Variants in NRXN3 observed in about 807,000 individuals in gnomAD.
The protein encoded by NRXN3 is neurexin 3, also known as neurexin III.
Under a neutral mutation model 137.6 loss-of-function variants are expected in NRXN3, and 32 were observed. The ratio of observed to expected loss-of-function variants is 0.23; its 90% CI spans 0.18 to 0.31. The LOEUF (loss-of-function observed/expected upper bound fraction) is 0.31. NRXN3 is among the 10% of genes least tolerant of loss of function. The pLI, the probability that NRXN3 is intolerant of heterozygous loss-of-function variation, is 1.00. For synonymous variants in NRXN3, 798 were observed against 784.5 expected, an observed-to-expected ratio of 1.02 and a Z score of -0.29; for missense variants, 1,574 against 2,062.5, an observed-to-expected ratio of 0.76 and a Z score of 4.59.
chr14:79,240,910 A>T (rs1568741420), intron 15 of NRXN3, among the ~76,000 whole-genome samples: 1 of 152,144 alleles, frequency 6.6e-6, no homozygotes, highest in Non-Finnish European at 1.5e-5. Flanking sequence ...TCTAGAAGTG[A>T]TATCTTGTTT....
At chr14:79,363,353 A>G (rs1324909997) in intron 15 of NRXN3, among the ~76,000 whole-genome samples, 1 of 152,208 alleles carries the variant, frequency 6.6e-6, no homozygotes, top group Non-Finnish European at 1.5e-5. Flanking sequence ...TTTAGATTGA[A>G]ATATCTGTCA....
intron 15 of NRXN3, among the ~76,000 whole-genome samples, chr14:79,317,815 A>T (rs754008): frequency 0.015 from 2,269 of 152,318 alleles, 27 homozygotes; most frequent in Non-Finnish European, 0.025. Context: ...TAGCACATTT[A>T]GTGTATAAAT....
chr14:78,435,562 T>C (rs1198815457), intron 4 of NRXN3, among the ~76,000 whole-genome samples: 1 of 152,210 alleles, frequency 6.6e-6, no homozygotes, highest in Non-Finnish European at 1.5e-5. Flanking sequence ...AGGATGTACT[T>C]AGAGCAATAA....
chr14:78,815,479 C>CTTTTTTTTTTTTTTT (rs61411777), intron 10 of NRXN3, among the ~76,000 whole-genome samples: 26 of 84,454 alleles, frequency 3.1e-4, no homozygotes, highest in South Asian at 1.1e-3. Context: ...TTGTTTCTTT[C>CTTTTTTTTTTTTTTT]TTTTTTTTTT....
intron 4 of NRXN3, among the ~76,000 whole-genome samples, chr14:78,351,153 C>A (rs140618407): frequency 1.4e-3 from 216 of 152,260 alleles, no homozygotes; most frequent in African/African-American, 4.9e-3. Context: ...CTATAGTTTT[C>A]TGCAAATTGT....
intron 1 of NRXN3, among the ~76,000 whole-genome samples, chr14:78,228,252 G>A (rs1466956485): frequency 6.6e-6 from 1 of 151,194 alleles, no homozygotes; most frequent in Non-Finnish European, 1.5e-5. Flanking sequence ...CGCCTCCCAG[G>A]TTCAAGCGAT....
intron 1 of NRXN3, among the ~76,000 whole-genome samples, chr14:78,211,683 A>T (rs749632482): frequency 7.2e-5 from 11 of 152,238 alleles, no homozygotes; most frequent in Non-Finnish European, 1.0e-4. Context: ...GAGTGCCACT[A>T]TTCTAACGTC....
At chr14:78,430,916 A>AT (rs1173146495) in intron 4 of NRXN3, among the ~76,000 whole-genome samples, 5 of 152,088 alleles carry the variant, frequency 3.3e-5, no homozygotes, top group African/African-American at 1.2e-4. Context: ...TAGAGTTCAT[A>AT]TTCATCCTAG....
At chr14:79,473,598 T>G (rs1382529926) in intron 16 of NRXN3, among the ~76,000 whole-genome samples, 1 of 152,090 alleles carries the variant, frequency 6.6e-6, no homozygotes, top group Non-Finnish European at 1.5e-5. Flanking sequence ...TCCAGTGGAG[T>G]ACAGAAGAAT....
At chr14:79,052,141 G>A (rs987013956) in intron 15 of NRXN3, among the ~76,000 whole-genome samples, 1 of 152,162 alleles carries the variant, frequency 6.6e-6, no homozygotes, top group Non-Finnish European at 1.5e-5. Context: ...CAGTTGGGCA[G>A]AGCTGCCACA....
chr14:79,021,164 A>G (rs1399856576), intron 15 of NRXN3, among the ~76,000 whole-genome samples: 1 of 152,156 alleles, frequency 6.6e-6, no homozygotes, highest in Non-Finnish European at 1.5e-5. Flanking sequence ...GAAAATCCTT[A>G]CAACCATACT....
intron 8 of NRXN3, among the ~76,000 whole-genome samples, chr14:78,749,083 T>A (rs1329875197): frequency 6.6e-6 from 1 of 152,174 alleles, no homozygotes; most frequent in East Asian, 1.9e-4. Flanking sequence ...TCTGATGATT[T>A]CTCTTAGAAA....
intron 15 of NRXN3, among the ~76,000 whole-genome samples, chr14:79,181,213 TGAAA>T (rs1252588813): frequency 6.6e-6 from 1 of 152,136 alleles, no homozygotes; most frequent in Admixed American, 6.5e-5. Flanking sequence ...GATCTTTATC[TGAAA>T]GAAGTCAGAT....
chr14:79,499,956 C>CATGTGTGTGTGTGT (rs60538373), intron 16 of NRXN3, among the ~76,000 whole-genome samples: 61 of 145,234 alleles, frequency 4.2e-4, no homozygotes, highest in African/African-American at 1.1e-3. Context: ...ATCTTAGGGT[C>CATGTGTGTGTGTGT]GTGTGTGTGT....
chr14:78,401,408 G>T (rs1251100100), intron 4 of NRXN3, among the ~76,000 whole-genome samples: 3 of 152,094 alleles, frequency 2.0e-5, no homozygotes, highest in Non-Finnish European at 4.4e-5. Flanking sequence ...CAGGTGATCT[G>T]CCCTCCTGAG....
At chr14:78,314,550 T>C (rs2078331299) in intron 4 of NRXN3, among the ~76,000 whole-genome samples, 1 of 152,192 alleles carries the variant, frequency 6.6e-6, no homozygotes, top group African/African-American at 2.4e-5. Context: ...TAAAGGGCCA[T>C]GCCTGGACAT....
At chr14:79,588,567 C>A (rs2097779320) in intron 16 of NRXN3, among the ~76,000 whole-genome samples, 1 of 152,180 alleles carries the variant, frequency 6.6e-6, no homozygotes, top group South Asian at 2.1e-4. Context: ...GTTCTTGAGG[C>A]TCTGTGGGAC....
intron 2 of NRXN3, among the ~76,000 whole-genome samples, chr14:78,268,023 T>C (rs1462696213): frequency 6.6e-6 from 1 of 152,218 alleles, no homozygotes; most frequent in Non-Finnish European, 1.5e-5. Context: ...TGGTAAATTG[T>C]AAACCTCCCC....
intron 15 of NRXN3, among the ~76,000 whole-genome samples, chr14:79,056,168 G>C (rs979868000): frequency 1.3e-5 from 2 of 152,180 alleles, no homozygotes; most frequent in Non-Finnish European, 2.9e-5. Flanking sequence ...TAGTCTGGCA[G>C]ACACCTGGAA....
Sources: allele counts gnomAD v4.1 joint callset (sites outside exome capture counted in the v4.1 genomes callset), GRCh38; gene constraint gnomAD v4.1.1; transcripts MANE v1.5; gene names NCBI Gene and HGNC (gene_info 2026-07-23, HGNC 2026-07-21).